The following EVC2 variants were observed in gnomAD, a reference collection of about 807,000 sequenced individuals.
EVC2 encodes the protein limbin.
Under a neutral mutation model 149.3 loss-of-function variants are expected in EVC2, and 148 were observed. That is an observed-to-expected ratio of 0.99 (90% CI 0.87 to 1.14). EVC2 has a LOEUF of 1.14. Ranked by LOEUF, EVC2 falls within the 50% of genes most tolerant of loss-of-function variation. The pLI, the probability that EVC2 is intolerant of heterozygous loss-of-function variation, is 0.00. For missense variants in EVC2, 1,854 were observed against 1,627.3 expected (o/e 1.14, Z -2.40); for synonymous variants, 776 against 649.9 (o/e 1.19, Z -2.95).
intron 6 of EVC2, among the ~76,000 whole-genome samples, chr4:5,684,502 A>G (rs1048656304): frequency 2.6e-5 from 4 of 152,168 alleles, no homozygotes; most frequent in African/African-American, 9.7e-5. Flanking sequence ...TGAAGACACA[A>G]TAAAATGACA....
rs552494322 is a variant in EVC2, at chr4:5,613,076, G to A, written c.2829+2346C>T. Reference sequence around the variant, plus strand: ...CGGTCTGCACCTGATGTCCCCATGGGTTACCATCTCTGCATCACCTTCTCA... The same window carrying A: ...CGGTCTGCACCTGATGTCCCCATGGATTACCATCTCTGCATCACCTTCTCA... On this transcript the variant is annotated intron_variant, in intron 16 of 21. Coordinates refer to ENST00000344408, the MANE Select transcript of EVC2 (RefSeq NM_147127.5). This position sits in a 1 kb window ranked among gnomAD's most constrained non-coding sequence, Gnocchi z 4.6. Among the ~76,000 whole-genome samples, 32 of 152,240 alleles carry A rather than the reference G, an allele frequency of 2.1e-4. No homozygotes were observed. Among genetic ancestry groups the A allele is most frequent in the African/African-American group, 6.5e-4 (27 of 41,542 alleles).
At chr4:5,591,422 G>C (rs1234650512) in intron 16 of EVC2, among the ~76,000 whole-genome samples, 2 of 152,188 alleles carry the variant, frequency 1.3e-5, no homozygotes, top group African/African-American at 2.4e-5. Flanking sequence ...CCATGCGCTA[G>C]GGTTTTCACG....
chr4:5,553,427 T>C (rs1233055515), intron 21 of EVC2, among the ~76,000 whole-genome samples: 1 of 152,148 alleles, frequency 6.6e-6, no homozygotes, highest in African/African-American at 2.4e-5. Context: ...TTGGTGCACA[T>C]GGACCCAAAC....
At chr4:5,592,683 G>A (rs994467677) in intron 16 of EVC2, among the ~76,000 whole-genome samples, 3 of 152,200 alleles carry the variant, frequency 2.0e-5, no homozygotes, top group Non-Finnish European at 4.4e-5. Flanking sequence ...AGGCAAAATG[G>A]CAGAGTATAA....
At chr4:5,546,182 C>T (rs575955385) in intron 21 of EVC2, among the ~76,000 whole-genome samples, 4 of 152,148 alleles carry the variant, frequency 2.6e-5, no homozygotes, top group South Asian at 2.1e-4. Flanking sequence ...TAGAACTAGA[C>T]ATACCATTTG....
chr4:5,652,853 G>A (rs1286333994), intron 9 of EVC2, among the ~76,000 whole-genome samples: 1 of 152,182 alleles, frequency 6.6e-6, no homozygotes, highest in East Asian at 1.9e-4. Flanking sequence ...GTGTGGCTTA[G>A]GGAGATGTAT....
intron 7 of EVC2, 27 bp downstream of exon 7, chr4:5,681,233 G>C: frequency 3.1e-6 from 5 of 1,612,914 alleles, no homozygotes; most frequent in Non-Finnish European, 4.2e-6. Flanking sequence ...TGTCCTGAGG[G>C]TGCTCAGGGC....
chr4:5,572,910 T>A (rs990816596), intron 19 of EVC2, among the ~76,000 whole-genome samples: 1 of 152,194 alleles, frequency 6.6e-6, no homozygotes. Flanking sequence ...GAGCAGAGTA[T>A]GTGCATCACC....
intron 11 of EVC2, among the ~76,000 whole-genome samples, chr4:5,630,866 A>C (rs1302415983): frequency 6.6e-6 from 1 of 152,234 alleles, no homozygotes; most frequent in Non-Finnish European, 1.5e-5. Context: ...AATTCCATAA[A>C]ATAAAATAAG....
the EVC2 span, among the ~76,000 whole-genome samples, chr4:5,529,083 G>A: frequency 5.3e-5 from 8 of 152,180 alleles, no homozygotes; most frequent in Admixed American, 3.3e-4. The surrounding 1 kb of genome is among the most constrained non-coding windows in gnomAD (Gnocchi z 4.5). Context: ...TCCACTCTCC[G>A]GGAGAGATTT....
At chr4:5,595,624 G>A (rs1713324047) in intron 16 of EVC2, among the ~76,000 whole-genome samples, 1 of 152,184 alleles carries the variant, frequency 6.6e-6, no homozygotes, top group African/African-American at 2.4e-5. Flanking sequence ...AAGCCAAATT[G>A]TAAAGACCAT....
In EVC2 at chr4:5,640,927, G is replaced by T; in HGVS notation, c.1146-89C>A. On this transcript the variant is annotated intron_variant, in intron 9 of 21. Coordinates refer to ENST00000344408, the MANE Select transcript of EVC2 (RefSeq NM_147127.5). The surrounding 1 kb of genome is among the most constrained non-coding windows in gnomAD (Gnocchi z 4.6). Reference sequence around the variant, plus strand: ...TCAAAGCTCTGAGGTTTTCATTTATGTGTAGGCAAGGGCTTTCTTCGTCTT... The same window carrying T: ...TCAAAGCTCTGAGGTTTTCATTTATTTGTAGGCAAGGGCTTTCTTCGTCTT... 1 of 1,448,536 alleles carries T rather than the reference G, an allele frequency of 6.9e-7. No individual in the cohort carries two copies. Among genetic ancestry groups the T allele is most frequent in the Non-Finnish European group, 9.6e-7 (1 of 1,036,362 alleles). The allele number at this position is 1,448,536 out of a possible 1,614,324, so 89.7% of individuals were successfully genotyped here.
At chr4:5,617,907 G>A (rs1486378579) in intron 15 of EVC2, among the ~76,000 whole-genome samples, 2 of 152,156 alleles carry the variant, frequency 1.3e-5, no homozygotes, top group South Asian at 2.1e-4. Context: ...GTGGTCTCAG[G>A]TAAAGTTGAG....
chr4:5,557,186 C>G (rs1207331566), intron 21 of EVC2, among the ~76,000 whole-genome samples: 1 of 152,028 alleles, frequency 6.6e-6, no homozygotes, highest in Non-Finnish European at 1.5e-5. Flanking sequence ...AATATATTTA[C>G]AAATTAAATC....
chr4:5,579,734 G>C (rs147137541), intron 17 of EVC2, among the ~76,000 whole-genome samples: 47 of 152,246 alleles, frequency 3.1e-4, no homozygotes, highest in African/African-American at 1.1e-3. Flanking sequence ...CCAGCTACTC[G>C]GGAGGCTGGG....
intron 15 of EVC2, among the ~76,000 whole-genome samples, chr4:5,616,218 T>C (rs1432675769): frequency 6.6e-6 from 1 of 152,118 alleles, no homozygotes; most frequent in Admixed American, 6.5e-5. Flanking sequence ...CTGAGAACTT[T>C]CCCAGCACAG....
At chr4:5,583,025 T>C (rs977106567) in intron 17 of EVC2, among the ~76,000 whole-genome samples, 4 of 152,192 alleles carry the variant, frequency 2.6e-5, no homozygotes, top group Non-Finnish European at 5.9e-5. Flanking sequence ...TAAACCTCTT[T>C]CCTTTATAAA....
chr4:5,706,687 T>C (rs375173986), intron 1 of EVC2, among the ~76,000 whole-genome samples: 1 of 151,958 alleles, frequency 6.6e-6, no homozygotes, highest in African/African-American at 2.4e-5. Flanking sequence ...GGGACACACA[T>C]GGCCAGAGCT....
rs1019345593 is a variant in EVC2 at position 5,640,072 on chromosome 4, G to T, written c.1470+442C>A. Among the ~76,000 whole-genome samples, 2 of 152,064 alleles carry T rather than the reference G, an allele frequency of 1.3e-5. No individual in the cohort carries two copies. Among genetic ancestry groups the T allele is most frequent in the African/African-American group, 4.8e-5 (2 of 41,400 alleles). On this transcript the variant is annotated intron_variant, in intron 10 of 21. Coordinates refer to ENST00000344408, the MANE Select transcript of EVC2 (RefSeq NM_147127.5). This position sits in a 1 kb window ranked among gnomAD's most constrained non-coding sequence, Gnocchi z 4.6. ...ACGGGTAGATGGAGGGGAAGCATGG[G>T]TGAATGGGTAAATGGATGAGTGGAT...
Sources: gnomAD v4.1 joint callset for allele counts (sites outside exome capture counted in the v4.1 genomes callset) on GRCh38, gnomAD v4.1.1 for gene constraint, Gnocchi (gnomAD v3.1) non-coding constraint, MANE v1.5 for transcripts, NCBI Gene and HGNC (gene_info 2026-07-23, HGNC 2026-07-21) for gene names.